Variants in KAZN observed in about 807,000 individuals in gnomAD.
KAZN encodes the protein kazrin, periplakin interacting protein.
A neutral mutation model predicts 87.4 loss-of-function variants in KAZN; 40 were observed. The ratio of observed to expected loss-of-function variants is 0.46; its 90% confidence interval spans 0.36 to 0.60. KAZN has a LOEUF of 0.60. Among genes scored for constraint, KAZN ranks in the 20% least tolerant of loss-of-function variants. KAZN has a pLI of 0.00. For missense variants in KAZN, 898 were observed against 1,073.9 expected, an observed-to-expected ratio of 0.84 and a Z score of 2.29; for synonymous variants, 466 against 458.3, an observed-to-expected ratio of 1.02 and a Z score of -0.22.
At chr1:14,778,781 T>A (rs1012716294) in intron 1 of KAZN, among the ~76,000 whole-genome samples, 1 of 152,106 alleles carries the variant, frequency 6.6e-6, no homozygotes, top group East Asian at 1.9e-4. Context: ...AAAACAACCA[T>A]TTTTATTTGC....
intron 2 of KAZN, among the ~76,000 whole-genome samples, chr1:14,300,689 T>C (rs896814410): frequency 1.3e-5 from 2 of 152,156 alleles, no homozygotes; most frequent in African/African-American, 2.4e-5. Context: ...ACTGAGATAG[T>C]GGCCATGTTA....
chr1:14,816,708 A>G (rs1646576468), intron 1 of KAZN, among the ~76,000 whole-genome samples: 1 of 151,970 alleles, frequency 6.6e-6, no homozygotes, highest in African/African-American at 2.4e-5. Flanking sequence ...ATAATGATAA[A>G]TTGATAGACA....
At chr1:15,091,864 A>G (rs1640546614) in intron 8 of KAZN, among the ~76,000 whole-genome samples, 1 of 152,216 alleles carries the variant, frequency 6.6e-6, no homozygotes, top group African/African-American at 2.4e-5. Flanking sequence ...GAGACATACA[A>G]CAAAAAGAAA....
intron 1 of KAZN, among the ~76,000 whole-genome samples, chr1:14,059,970 T>C (rs530507123): frequency 1.3e-3 from 200 of 152,328 alleles, no homozygotes; most frequent in African/African-American, 4.7e-3. Context: ...CAATACCTTT[T>C]ATTCTTTCAG....
At chr1:13,951,563 T>C (rs1181548720) in intron 1 of KAZN, among the ~76,000 whole-genome samples, 1 of 151,326 alleles carries the variant, frequency 6.6e-6, no homozygotes, top group African/African-American at 2.4e-5. Flanking sequence ...GGTGTTGTTA[T>C]GTCTTGCTGA....
chr1:14,339,077 A>G (rs1330893128), intron 2 of KAZN, among the ~76,000 whole-genome samples: 1 of 152,140 alleles, frequency 6.6e-6, no homozygotes, highest in African/African-American at 2.4e-5. Flanking sequence ...GACAAACAAG[A>G]TCAGACGTAA....
chr1:14,889,699 A>G (rs1053432158), intron 1 of KAZN, among the ~76,000 whole-genome samples: 2 of 152,222 alleles, frequency 1.3e-5, no homozygotes, highest in African/African-American at 4.8e-5. Context: ...CCCACCAACC[A>G]AGAATGTTTG....
intron 1 of KAZN, among the ~76,000 whole-genome samples, chr1:14,650,949 T>C (rs780429263): frequency 6.6e-6 from 1 of 152,174 alleles, no homozygotes; most frequent in Non-Finnish European, 1.5e-5. Flanking sequence ...CCCATGCATA[T>C]AGAGCAAGAA....
chr1:14,388,670 C>G, intron 2 of KAZN, among the ~76,000 whole-genome samples: 1 of 152,202 alleles, frequency 6.6e-6, no homozygotes, highest in African/African-American at 2.4e-5. Flanking sequence ...AACTAGACCC[C>G]TATCTCTAAA....
At chr1:14,944,641 C>G (rs964550081) in intron 1 of KAZN, among the ~76,000 whole-genome samples, 6 of 152,214 alleles carry the variant, frequency 3.9e-5, no homozygotes, top group African/African-American at 1.4e-4. Flanking sequence ...TCCCCATACC[C>G]CAGACTCCTA....
chr1:14,882,453 G>C (rs1429325095), intron 1 of KAZN, among the ~76,000 whole-genome samples: 6 of 152,168 alleles, frequency 3.9e-5, no homozygotes, highest in Non-Finnish European at 5.9e-5. Context: ...CTGTAGTAGG[G>C]GGACTGGTCC....
chr1:14,514,619 A>T (rs1379713438), intron 2 of KAZN, among the ~76,000 whole-genome samples: 9 of 53,148 alleles, frequency 1.7e-4, no homozygotes, highest in South Asian at 5.9e-4. Flanking sequence ...ATATATATAT[A>T]TATATATATA....
intron 2 of KAZN, among the ~76,000 whole-genome samples, chr1:14,961,420 G>A (rs1357688409): frequency 6.6e-6 from 1 of 152,232 alleles, no homozygotes; most frequent in African/African-American, 2.4e-5. Flanking sequence ...TGTGTCTTCA[G>A]CCAGAAATTG....
intron 1 of KAZN, among the ~76,000 whole-genome samples, chr1:14,657,151 C>T (rs1486172340): frequency 2.1e-5 from 3 of 141,428 alleles, no homozygotes; most frequent in South Asian, 4.7e-4. Flanking sequence ...GGTGCAATCT[C>T]GGCTCACTGC....
At chr1:14,867,595 C>T (rs914610943) in intron 1 of KAZN, among the ~76,000 whole-genome samples, 14 of 152,134 alleles carry the variant, frequency 9.2e-5, no homozygotes, top group Admixed American at 8.5e-4. Flanking sequence ...TGACAGAGCA[C>T]GTAGTTGTCC....
chr1:14,060,939 G>A (rs1182659298), intron 1 of KAZN, among the ~76,000 whole-genome samples: 2 of 152,198 alleles, frequency 1.3e-5, no homozygotes, highest in Non-Finnish European at 2.9e-5. Context: ...ATAGTGCCCT[G>A]GATTTGGAGA....
chr1:14,632,834 G>T (rs1028007592), intron 1 of KAZN, among the ~76,000 whole-genome samples: 4 of 152,032 alleles, frequency 2.6e-5, no homozygotes, highest in Non-Finnish European at 5.9e-5. Flanking sequence ...ACCGTGGCGT[G>T]ACCTGAATAC....
In KAZN at chr1:14,635,451, G is replaced by A. The variant is rs114549962; in HGVS notation, c.226+36228G>A. 1.2e-3 allele frequency among the ~76,000 whole-genome samples: 177 copies of A among 152,316 alleles called. 1 individual carries two copies. Among genetic ancestry groups the A allele is most frequent in the African/African-American group, 4.0e-3 (165 of 41,576 alleles). ...AGTCCCCTCATACCCTATGAGAGGT[G>A]CAGGGAGGTCCCTGTCCAGTGCCTG... On this transcript the variant is annotated intron_variant, in intron 1 of 14. Coordinates refer to ENST00000376030, the MANE Select transcript of KAZN (RefSeq NM_201628.3).
intron 2 of KAZN, among the ~76,000 whole-genome samples, chr1:15,027,253 T>G (rs1485291029): frequency 6.6e-6 from 1 of 151,964 alleles, no homozygotes. Flanking sequence ...GCTAATTTTT[T>G]GTAATTTTAG....
Sources: allele counts gnomAD v4.1 joint callset (sites outside exome capture counted in the v4.1 genomes callset), GRCh38; gene constraint gnomAD v4.1.1; transcripts MANE v1.5; gene names NCBI Gene and HGNC (gene_info 2026-07-23, HGNC 2026-07-21).